The following LIMCH1 variants were observed in gnomAD, a reference collection of about 807,000 sequenced individuals.
LIMCH1 encodes the protein LIM and calponin homology domains-containing protein 1.
LIMCH1 carries 113 observed loss-of-function variants against 176.5 expected under a neutral mutation model. The ratio of observed to expected loss-of-function variants is 0.64; its 90% CI spans 0.55 to 0.75. The LOEUF (loss-of-function observed/expected upper bound fraction) is 0.75, where lower values mean the gene tolerates loss of function less well. LIMCH1 is among the 30% of genes least tolerant of loss of function. The pLI, the probability that LIMCH1 is intolerant of heterozygous loss-of-function variation, is 0.00. For synonymous variants in LIMCH1, 619 were observed against 645.9 expected (o/e 0.96, Z 0.63); for missense variants, 1,674 against 1,814.9 (o/e 0.92, Z 1.41).
intron 1 of LIMCH1, among the ~76,000 whole-genome samples, chr4:41,434,034 G>A (rs1374604493): frequency 6.6e-6 from 1 of 152,132 alleles, no homozygotes; most frequent in African/African-American, 2.4e-5. Context: ...CAGCTTAAAA[G>A]GGGTACACTT....
At chr4:41,398,580 C>A (rs1476014183) in intron 1 of LIMCH1, among the ~76,000 whole-genome samples, 2 of 152,054 alleles carry the variant, frequency 1.3e-5, no homozygotes, top group Non-Finnish European at 1.5e-5. Flanking sequence ...TGGGAAAATG[C>A]GAACAGTGCG....
intron 4 of LIMCH1, 71 bp from the exon 5 acceptor site, chr4:41,613,386 TGGAGACCAC>T: frequency 8.3e-7 from 1 of 1,207,110 alleles, no homozygotes. Context: ...GGGGTTTTTT[TGGAGACCAC>T]TGGAGACCCA....
At chr4:41,601,373 G>A (rs1183268403) in intron 2 of LIMCH1, among the ~76,000 whole-genome samples, 11 of 152,194 alleles carry the variant, frequency 7.2e-5, no homozygotes, top group Non-Finnish European at 1.5e-5. Flanking sequence ...CTTCTCTGAA[G>A]TGCTGGCATT....
At position 41,488,189 on chromosome 4, in the gene LIMCH1, C is replaced by T. The variant is rs555316216; in HGVS notation, c.97-6347C>T. Among the ~76,000 whole-genome samples, 4 of 152,134 alleles carry T rather than the reference C, an allele frequency of 2.6e-5. No homozygotes were observed. The South Asian group carries it at 6.2e-4, about 24-fold the overall frequency. On this transcript the variant is annotated intron_variant, in intron 1 of 26. Transcript: ENST00000313860. ...TTTCACTAGAACATAATGCTTTTGA[C>T]AAAAATGTAAAGACGTATGAAAAAA...
At chr4:41,607,587 G>A (rs1374232237) in intron 4 of LIMCH1, among the ~76,000 whole-genome samples, 1 of 152,154 alleles carries the variant, frequency 6.6e-6, no homozygotes, top group Non-Finnish European at 1.5e-5. Context: ...ATGAAGCTTT[G>A]TCTCACAGTT....
intron 2 of LIMCH1, among the ~76,000 whole-genome samples, chr4:41,519,185 G>A (rs772029937): frequency 6.6e-6 from 1 of 152,162 alleles, no homozygotes; most frequent in Non-Finnish European, 1.5e-5. Flanking sequence ...AGCGAGACAC[G>A]TATGTGCACC....
intron 31 of LIMCH1, among the ~76,000 whole-genome samples, chr4:41,695,058 G>T (rs868158704): frequency 1.3e-5 from 2 of 151,866 alleles, no homozygotes; most frequent in Non-Finnish European, 2.9e-5. Context: ...CCTAGCCTTT[G>T]CCCATTCTTC....
At chr4:41,404,487 TGATTAATA>T (rs1277955996) in intron 1 of LIMCH1, among the ~76,000 whole-genome samples, 2 of 152,062 alleles carry the variant, frequency 1.3e-5, no homozygotes, top group Non-Finnish European at 2.9e-5. Context: ...TTAAAAAAAT[TGATTAATA>T]GGCTGGGTGC....
At chr4:41,671,058 TAA>T (rs76648075) in intron 21 of LIMCH1, 11,383 of 594,028 alleles carry the variant, frequency 0.019, no homozygotes, top group Non-Finnish European at 0.022. Flanking sequence ...CCCCTGCCTT[TAA>T]AAAAAAAAAA....
intron 1 of LIMCH1, among the ~76,000 whole-genome samples, chr4:41,580,570 T>A (rs1022254578): frequency 3.9e-5 from 6 of 151,992 alleles, no homozygotes; most frequent in Non-Finnish European, 8.8e-5. Context: ...AATTTTCTAT[T>A]CCTTACTAAA....
intron 1 of LIMCH1, among the ~76,000 whole-genome samples, chr4:41,437,441 A>G (rs528288489): frequency 6.6e-6 from 1 of 152,368 alleles, no homozygotes; most frequent in African/African-American, 2.4e-5. Context: ...AAGTGGTGAC[A>G]CTGACATATC....
intron 1 of LIMCH1, among the ~76,000 whole-genome samples, chr4:41,390,452 G>A (rs913650811): frequency 1.1e-4 from 17 of 152,208 alleles, no homozygotes; most frequent in Admixed American, 1.3e-4. Context: ...CATGCGTGGT[G>A]TGCAATGTTA....
At chr4:41,533,526 G>T (rs2077550410), upstream of LIMCH1, among the ~76,000 whole-genome samples, 1 of 152,126 alleles carries the variant, frequency 6.6e-6, no homozygotes, top group Admixed American at 6.5e-5. Flanking sequence ...TGACATCCAA[G>T]GACTTTTTTC....
chr4:41,528,961 G>A (rs1583548290), intron 3 of LIMCH1, among the ~76,000 whole-genome samples: 1 of 152,266 alleles, frequency 6.6e-6, no homozygotes, highest in South Asian at 2.1e-4. Flanking sequence ...CCCTGAATCC[G>A]GGTCTGCATT....
At chr4:41,677,592 A>G (rs1485037171) in intron 23 of LIMCH1, among the ~76,000 whole-genome samples, 1 of 152,174 alleles carries the variant, frequency 6.6e-6, no homozygotes, top group Non-Finnish European at 1.5e-5. Context: ...CATGTTGGGT[A>G]CCTGGGATGT....
At position 41,654,604 on chromosome 4, in the gene LIMCH1, A is replaced by T. The variant is rs117662431; in HGVS notation, c.3036+3996A>T. On this transcript the variant is annotated intron_variant, in intron 18 of 31. Transcript: ENST00000503057. ...ATTGCAAAGAACAGGCAAGATCTTC[A>T]TAGGCTGAGTTTAGTCTGGGAAGGT... is the stretch of plus-strand genomic sequence containing the variant. Among the ~76,000 whole-genome samples, 1,448 of 152,276 alleles carry T rather than the reference A, an allele frequency of 9.5e-3. 10 individuals carry two copies. The highest frequency in any genetic ancestry group is 0.023 in the East Asian group (119 of 5,174).
chr4:41,373,507 A>G (rs116481072), intron 1 of LIMCH1, among the ~76,000 whole-genome samples: 73 of 152,350 alleles, frequency 4.8e-4, no homozygotes, highest in African/African-American at 1.7e-3. Context: ...TCAAATTACT[A>G]TAGTTCCTGA....
At chr4:41,561,735 T>C (rs1044722408) in intron 1 of LIMCH1, among the ~76,000 whole-genome samples, 3 of 152,212 alleles carry the variant, frequency 2.0e-5, no homozygotes, top group Non-Finnish European at 2.9e-5. Flanking sequence ...GTTGAAGAAC[T>C]AAATTCCTAC....
At chr4:41,464,362 CTTTTTTT>C (rs1561453340) in intron 1 of LIMCH1, among the ~76,000 whole-genome samples, 1 of 148,282 alleles carries the variant, frequency 6.7e-6, no homozygotes, top group African/African-American at 2.5e-5. Context: ...TTTTCCTTTT[CTTTTTTT>C]CTTTTTTTTT....
Sources: gnomAD v4.1 joint callset for allele counts (sites outside exome capture counted in the v4.1 genomes callset) on GRCh38, gnomAD v4.1.1 for gene constraint, MANE v1.5 for transcripts, NCBI Gene and HGNC (gene_info 2026-07-23, HGNC 2026-07-21) for gene names.